Variants in TUBGCP2 observed in about 807,000 individuals in gnomAD.
TUBGCP2 encodes the protein tubulin gamma complex component 2.
A neutral mutation model predicts 92.2 loss-of-function variants in TUBGCP2; 55 were observed. The observed-to-expected ratio is 0.60, with a 90% CI of 0.48 to 0.75. The LOEUF (loss-of-function observed/expected upper bound fraction) is 0.75, where lower values mean the gene tolerates loss of function less well. TUBGCP2 is among the 30% of genes least tolerant of loss of function. The probability of loss-of-function intolerance (pLI) is 0.00; values close to 1 mark genes in which losing one functional copy is unlikely to be tolerated. For synonymous variants in TUBGCP2, 533 were observed against 505.2 expected, an observed-to-expected ratio of 1.06 and a Z score of -0.74; for missense variants, 1,093 against 1,188.9, an observed-to-expected ratio of 0.92 and a Z score of 1.19.
In TUBGCP2 at chr10:133,282,064, T is replaced by G. The variant is rs139287388; in HGVS notation, c.2409+159A>C. On this transcript the variant is annotated intron_variant, in intron 16 of 17. Coordinates refer to ENST00000252936, the MANE Select transcript of TUBGCP2 (RefSeq NM_006659.4). The stretch of plus-strand genomic sequence containing the variant: ...GAGCTGAGAAGATTGTGAGAGGCTC[T>G]TGTGCTTGTGCTTGGAAGCTAATTT... 7.0e-4 allele frequency among the ~76,000 whole-genome samples: 106 copies of G among 152,366 alleles called. No individual in the cohort carries two copies. The East Asian group carries it at 0.018, about 26-fold the overall frequency.
At chr10:133,286,352 A>G (rs1847132876) in intron 11 of TUBGCP2, among the ~76,000 whole-genome samples, 1 of 152,160 alleles carries the variant, frequency 6.6e-6, no homozygotes. Flanking sequence ...ACTACCAGGA[A>G]TTTTTCCTAC....
rs749852184 is a variant in TUBGCP2 at position 133,302,805 on chromosome 10, G to A, written c.137C>T (p.Ala46Val). The A allele has an allele frequency of 7.4e-6, 12 of 1,612,546 alleles. No individual in the cohort carries two copies. Among genetic ancestry groups the A allele is most frequent in the Non-Finnish European group, 9.3e-6 (11 of 1,179,988 alleles). The change falls in exon 2 of 18, where the codon GCT (alanine) becomes GTT (valine). Residue 46 changes from alanine to valine, a missense_variant. This residue lies in a region of TUBGCP2 where 490 missense variants were observed against 488.5 expected (regional missense o/e 1.00). Coordinates refer to ENST00000252936, the MANE Select transcript of TUBGCP2 (RefSeq NM_006659.4). ...RTPYVTTTVS[A>V]HSAKVKIAEF... Reference sequence around the variant, plus strand: ...GGCAGTGCTCACCTTGGCACTGTGAGCAGAGACAGTGGTAGTGACGTACGG... The same window carrying A: ...GGCAGTGCTCACCTTGGCACTGTGAACAGAGACAGTGGTAGTGACGTACGG...
At chr10:133,301,490 A>G (rs1205831519) in intron 2 of TUBGCP2, among the ~76,000 whole-genome samples, 1 of 152,140 alleles carries the variant, frequency 6.6e-6, no homozygotes, top group Admixed American at 6.5e-5. Flanking sequence ...GGGTGTCCCC[A>G]AGTCTCTATT....
chr10:133,285,348 A>G lies in TUBGCP2; in HGVS notation c.1895+108T>C. On this transcript the variant is annotated intron_variant, in intron 12 of 17. Coordinates refer to ENST00000252936, the MANE Select transcript of TUBGCP2 (RefSeq NM_006659.4). The surrounding 1 kb of genome is among the most constrained non-coding windows in gnomAD (Gnocchi z 6.8). ...CTCTCGGACACTGAAGGCCGGGGAG[A>G]GCCGCCTTGGGTCCTCTGTGGGACG... 2 of 1,588,530 alleles carry G rather than the reference A, an allele frequency of 1.3e-6. No homozygotes were observed. The highest frequency in any genetic ancestry group is 8.6e-7 in the Non-Finnish European group (1 of 1,168,674).
chr10:133,310,077 C>T, upstream of TUBGCP2: 4 of 1,610,092 alleles, frequency 2.5e-6, no homozygotes, highest in South Asian at 1.1e-5. Context: ...CCGGGGACAC[C>T]TTTCCGCCCT....
chr10:133,287,139 T>C (rs1847152080), intron 11 of TUBGCP2, among the ~76,000 whole-genome samples: 2 of 152,140 alleles, frequency 1.3e-5, no homozygotes, highest in South Asian at 4.1e-4. Context: ...CTTACAGAAA[T>C]AAAAAGCAGA....
chr10:133,285,260 G>T lies in TUBGCP2; in HGVS notation c.1896-47C>A, dbSNP rs1172452800. ...CTCAGGTGGGCCTCCGTGACCGGCG[G>T]CGTCGTGGACACGGCGTCTGTACTC... is the stretch of plus-strand genomic sequence containing the variant. On this transcript the variant is annotated intron_variant, in intron 12 of 17. Transcript: ENST00000252936. The surrounding 1 kb of genome is among the most constrained non-coding windows in gnomAD (Gnocchi z 6.8). The T allele has an allele frequency of 2.5e-6, 4 of 1,607,108 alleles. No homozygotes were observed. Among genetic ancestry groups the T allele is most frequent in the African/African-American group, 1.3e-5 (1 of 74,924 alleles).
Position 133,288,202 on chromosome 10 carries a change from C to T in TUBGCP2, c.1649G>A (p.Arg550His). The change falls in exon 11 of 18, where the codon CGC becomes CAC. Residue 550 changes from arginine to histidine, a missense_variant. By Grantham distance (29) the Arg-to-His change is conservative (BLOSUM62 0). Transcript: ENST00000252936. ...CGCCAGCTCCAGGAGCGCTTCCAGG[C>T]GAGGGGGCGTGATGTCCTCCACCGG... ...RKPVEDITPPRLEALLELALR... is the reference protein window; with the variant it reads ...RKPVEDITPPHLEALLELALR... 6.2e-7 allele frequency: 1 copy of T among 1,613,892 alleles called. No homozygotes were observed. The highest frequency in any genetic ancestry group is 8.5e-7 in the Non-Finnish European group (1 of 1,179,952).
Position 133,288,230 on chromosome 10 carries a change from T to TCC in TUBGCP2, c.1619_1620dup (p.Lys541GlyfsTer22). ...GGGGGCGTGATGTCCTCCACCGGCT[T>TCC]CCGGAGCTCCTCCTCCGCGAGGTCC... On this transcript the variant is annotated frameshift_variant, in exon 11 of 18. Transcript: ENST00000252936. LOFTEE classifies it high-confidence loss of function. 1.2e-6 allele frequency: 2 copies of TCC among 1,613,812 alleles called. No individual in the cohort carries two copies. Among genetic ancestry groups the TCC allele is most frequent in the Non-Finnish European group, 1.7e-6 (2 of 1,179,954 alleles).
At position 133,279,476 on chromosome 10, in the gene TUBGCP2, G is replaced by A; in HGVS notation, c.*290C>T. On this transcript the variant is annotated 3_prime_UTR_variant, in exon 18 of 18. Coordinates refer to ENST00000252936, the MANE Select transcript of TUBGCP2 (RefSeq NM_006659.4). Reference sequence around the variant, plus strand: ...CCCACATGCATCTTTGCTTGCTCCTGGCTTAAACACCATGTATTTCCACTT... The same window carrying A: ...CCCACATGCATCTTTGCTTGCTCCTAGCTTAAACACCATGTATTTCCACTT... 1 of 426,070 alleles carries A rather than the reference G, an allele frequency of 2.3e-6. No homozygotes were observed. The highest frequency in any genetic ancestry group is 3.1e-5 in the South Asian group (1 of 31,876). 26.4% of individuals were successfully genotyped at this position (426,070 alleles called of 1,614,324 possible).
At chr10:133,296,631 CCA>C (rs1847493529) in intron 5 of TUBGCP2, among the ~76,000 whole-genome samples, 1 of 152,156 alleles carries the variant, frequency 6.6e-6, no homozygotes, top group Non-Finnish European at 1.5e-5. Context: ...GTGCACGCTA[CCA>C]CACTCGGCTA....
rs1283956756 is a variant in TUBGCP2 at position 133,289,861 on chromosome 10, G to A, written c.1323C>T (p.Ser441=). The A allele has an allele frequency of 7.4e-7, 1 of 1,350,498 alleles. No individual in the cohort carries two copies. Among genetic ancestry groups the A allele is most frequent in the South Asian group, 1.3e-5 (1 of 78,156 alleles). The allele number at this position is 1,350,498 out of a possible 1,614,324, so 83.7% of individuals were successfully genotyped here. A position where few individuals can be genotyped will look rare whatever the true frequency, so the allele number is the denominator to read the frequency against. The change falls in exon 9 of 18, where the codon TCC becomes TCT. Residue 441 remains serine (S), a synonymous_variant. Transcript: ENST00000252936. The stretch of plus-strand genomic sequence containing the variant: ...TCTTGTCCGCCATTTTCTGCAGGAA[G>A]GACGGGATCTGCTGCTGGACGATGG... ...RYTIVQQQIP[S]FLQKMADKIL...
rs1847838221 is a variant in TUBGCP2 at position 133,307,022 on chromosome 10, A to G, written c.-40+1801T>C. ...AACTCTGGGGTGTCACGGTCATGGAAGGGTGCTCTCGCTACTTAGAGGGCA... is the reference window on the plus strand; with the variant it reads ...AACTCTGGGGTGTCACGGTCATGGAGGGGTGCTCTCGCTACTTAGAGGGCA... On this transcript the variant is annotated intron_variant, in intron 1 of 17. Coordinates refer to ENST00000252936, the MANE Select transcript of TUBGCP2 (RefSeq NM_006659.4). Among the ~76,000 whole-genome samples, 5 of 152,252 alleles carry G rather than the reference A, an allele frequency of 3.3e-5. No homozygotes were observed. In the South Asian group the frequency reaches 1.0e-3, roughly 32 times the overall value.
At chr10:133,287,088 A>G (rs920501456) in intron 11 of TUBGCP2, among the ~76,000 whole-genome samples, 10 of 152,266 alleles carry the variant, frequency 6.6e-5, no homozygotes, top group African/African-American at 2.2e-4. Flanking sequence ...AAGAAGATTC[A>G]AATTACTAAA....
chr10:133,312,112 G>A (rs1554879260), upstream of TUBGCP2: 2 of 1,443,508 alleles, frequency 1.4e-6, no homozygotes, highest in Non-Finnish European at 1.8e-6. Context: ...GATGGAAAGA[G>A]TCTCACTTGC....
rs966317345 is a variant in TUBGCP2, at chr10:133,306,800, TA to T, written c.-40+2022del. On this transcript the variant is annotated intron_variant, in intron 1 of 17. Transcript: ENST00000252936. ...GAGACTCTGTCTCAAAAAATAATAATAAAAAAAATAAAAACTACCTTCAGGA... is the reference window on the plus strand; with the variant it reads ...GAGACTCTGTCTCAAAAAATAATAATAAAAAAATAAAAACTACCTTCAGGA... 4.0e-5 allele frequency among the ~76,000 whole-genome samples: 6 copies of T among 151,450 alleles called. 1 individual carries two copies. The South Asian group carries it at 1.0e-3, about 26-fold the overall frequency.
At chr10:133,294,453 C>T (rs1589831203) in intron 5 of TUBGCP2, among the ~76,000 whole-genome samples, 1 of 152,196 alleles carries the variant, frequency 6.6e-6, no homozygotes, top group South Asian at 2.1e-4. Context: ...AGGAAGGCTC[C>T]GTACAACAGG....
At position 133,279,743 on chromosome 10, in the gene TUBGCP2, T is replaced by C; in HGVS notation, c.*23A>G. 1 of 1,545,474 alleles carries C rather than the reference T, an allele frequency of 6.5e-7. No homozygotes were observed. Among genetic ancestry groups the C allele is most frequent in the Non-Finnish European group, 8.7e-7 (1 of 1,144,002 alleles). On this transcript the variant is annotated 3_prime_UTR_variant, in exon 18 of 18. Transcript: ENST00000252936. ...ACCAGTCCCTGCTGACCCCACACCCTTCCTTCCTGTCACAGCCAGGGCTCA... is the reference window on the plus strand; with the variant it reads ...ACCAGTCCCTGCTGACCCCACACCCCTCCTTCCTGTCACAGCCAGGGCTCA...
chr10:133,288,383 C>A (rs927497728), intron 10 of TUBGCP2, 74 bp from the exon 11 acceptor site: 2 of 1,529,234 alleles, frequency 1.3e-6, no homozygotes, highest in Admixed American at 4.2e-5. Flanking sequence ...GGCGTGAGCA[C>A]GTGCCCACCC....
Sources: gnomAD v4.1 joint callset for allele counts (sites outside exome capture counted in the v4.1 genomes callset) on GRCh38, gnomAD v4.1.1 for gene constraint, gnomAD v4.1.1 regional missense constraint, Gnocchi (gnomAD v3.1) non-coding constraint, MANE v1.5 for transcripts, NCBI Gene and HGNC (gene_info 2026-07-23, HGNC 2026-07-21) for gene names.